The following CDC14B variants were observed in gnomAD, a reference collection of about 807,000 sequenced individuals.
CDC14B encodes cell division cycle 14B.
CDC14B carries 22 observed loss-of-function variants against 64.2 expected under a neutral mutation model. The ratio of observed to expected loss-of-function variants is 0.34; its 90% CI spans 0.24 to 0.49. CDC14B has a LOEUF of 0.49. Ranked by LOEUF, CDC14B falls within the 20% of genes least tolerant of loss-of-function variation. The pLI is 0.99. For missense variants in CDC14B, 498 were observed against 629.9 expected (o/e 0.79, Z 2.24); for synonymous variants, 191 against 215.8 (o/e 0.89, Z 1.01).
chr9:96,537,606 G>A (rs752450560), intron 7 of CDC14B, among the ~76,000 whole-genome samples: 77 of 152,196 alleles, frequency 5.1e-4, no homozygotes, highest in Non-Finnish European at 1.0e-3. Flanking sequence ...ACTGGAGAAG[G>A]CTGGCCTGAG....
chr9:96,582,377 T>C (rs1352020109), intron 1 of CDC14B, among the ~76,000 whole-genome samples: 2 of 152,242 alleles, frequency 1.3e-5, no homozygotes, highest in Non-Finnish European at 2.9e-5. Flanking sequence ...CATTAGGTCA[T>C]AGCCTGTTCC....
chr9:96,492,934 A>G (rs1833124471), exon 14 of CDC14B: 1 of 152,220 alleles, frequency 6.6e-6, no homozygotes, highest in Non-Finnish European at 1.5e-5. Context: ...CCTCTAGCCT[A>G]ATGTTGCTCA....
At position 96,541,829 on chromosome 9, in the gene CDC14B, C is replaced by G. The variant is rs776714130; in HGVS notation, c.561G>C (p.Lys187Asn). The G allele has an allele frequency of 1.4e-5, 22 of 1,602,316 alleles. No individual in the cohort carries two copies. The highest frequency in any genetic ancestry group is 1.8e-5 in the Non-Finnish European group (21 of 1,171,956). The change falls in exon 6 of 14, where the codon AAG (lysine) becomes AAC (asparagine). Residue 187 changes from lysine to asparagine, a missense_variant. Physicochemically the swap from Lys to Asn is moderately conservative, Grantham distance 94. Transcript: ENST00000375241. Reference sequence around the variant, plus strand: ...GTGCATCCTACATGTCACTCACCTTCTTTACTGCATGAAAACAGTCAAGAA... The same window carrying G: ...GTGCATCCTACATGTCACTCACCTTGTTTACTGCATGAAAACAGTCAAGAA... ...ITLLDCFHAV[K>N]KAMQYGFLNF...
intron 9 of CDC14B, among the ~76,000 whole-genome samples, chr9:96,526,224 C>T (rs566009658): frequency 1.3e-5 from 2 of 152,144 alleles, no homozygotes; most frequent in South Asian, 4.1e-4. Context: ...AAAAATTAGC[C>T]GGGCGTGGTG....
At chr9:96,611,196 G>A (rs923630196) in intron 1 of CDC14B, among the ~76,000 whole-genome samples, 2 of 152,158 alleles carry the variant, frequency 1.3e-5, no homozygotes, top group Admixed American at 1.3e-4. Context: ...GTTTAGGAAG[G>A]TTACAATCAA....
chr9:96,523,147 G>A (rs1461630843), intron 11 of CDC14B, 114 bp downstream of exon 11: 2 of 1,140,706 alleles, frequency 1.8e-6, no homozygotes, highest in Non-Finnish European at 2.5e-6. Context: ...ATAAAAAACT[G>A]ACAATCATCC....
intron 5 of CDC14B, 78 bp from the exon 6 acceptor site, chr9:96,541,970 T>G (rs1044343413): frequency 1.0e-6 from 1 of 969,958 alleles, no homozygotes; most frequent in Non-Finnish European, 1.6e-6. Flanking sequence ...GTGACTAGAA[T>G]TTAAAATCAA....
At position 96,523,660 on chromosome 9, in the gene CDC14B, C is replaced by A. The variant is rs1308120238; in HGVS notation, c.1012G>T (p.Ala338Ser). The change falls in exon 10 of 14, where the codon GCC (alanine) becomes TCC (serine). Residue 338 changes from alanine to serine, a missense_variant. Coordinates refer to ENST00000375241, the MANE Select transcript of CDC14B (RefSeq NM_033331.4). ...YIMKHYRMTA[A>S]ETIAWVRICR... Reference sequence around the variant, plus strand: ...ATCCTGACCCACGCAATGGTCTCGGCTGCTGTCATCCTGTAATGCTTCATG... The same window carrying A: ...ATCCTGACCCACGCAATGGTCTCGGATGCTGTCATCCTGTAATGCTTCATG... 1 of 1,614,184 alleles carries A rather than the reference C, an allele frequency of 6.2e-7. No individual in the cohort carries two copies. The highest frequency in any genetic ancestry group is 8.5e-7 in the Non-Finnish European group (1 of 1,180,042).
chr9:96,551,111 C>CTTTTTTTTTTTT lies in CDC14B; in HGVS notation c.497+673_497+684dup, dbSNP rs202193145. Reference sequence around the variant, plus strand: ...TACAAAGCCTAGGTTTTGGGGTTTGCTTTTTTTTTTTTTTTTTTTGAGACA... The same window carrying CTTTTTTTTTTTT: ...TACAAAGCCTAGGTTTTGGGGTTTGCTTTTTTTTTTTTTTTTTTTTTTTTTTTTTTTGAGACA... On this transcript the variant is annotated intron_variant, in intron 5 of 13. Coordinates refer to ENST00000375241, the MANE Select transcript of CDC14B (RefSeq NM_033331.4). Among the ~76,000 whole-genome samples, 203 of 93,254 alleles carry CTTTTTTTTTTTT rather than the reference C, an allele frequency of 2.2e-3. 25 individuals carry two copies. The highest frequency in any genetic ancestry group is 8.7e-3 in the African/African-American group (177 of 20,348). 61.2% of individuals were successfully genotyped at this position (93,254 alleles called of 152,430 possible). A position where few individuals can be genotyped will look rare whatever the true frequency, so the allele number is the denominator to read the frequency against.
At chr9:96,616,758 C>T (rs1273859524) in intron 1 of CDC14B, among the ~76,000 whole-genome samples, 1 of 151,784 alleles carries the variant, frequency 6.6e-6, no homozygotes, top group African/African-American at 2.4e-5. Context: ...TAATGTTTGA[C>T]TTTTTAGAAG....
At chr9:96,554,288 C>T (rs1842218424) in intron 4 of CDC14B, among the ~76,000 whole-genome samples, 1 of 152,182 alleles carries the variant, frequency 6.6e-6, no homozygotes, top group African/African-American at 2.4e-5. Context: ...AAAATGAAAT[C>T]TAGAGACCCA....
At chr9:96,554,176 C>T (rs1213790432) in intron 4 of CDC14B, among the ~76,000 whole-genome samples, 1 of 151,424 alleles carries the variant, frequency 6.6e-6, no homozygotes, top group East Asian at 1.9e-4. Flanking sequence ...AAGGCAAAAA[C>T]AAAAAAACAA....
chr9:96,604,710 C>T (rs1846763583), intron 1 of CDC14B, among the ~76,000 whole-genome samples: 1 of 151,408 alleles, frequency 6.6e-6, no homozygotes, highest in African/African-American at 2.4e-5. Context: ...GCTCTGTCCC[C>T]CAGGCTGGAG....
chr9:96,588,321 C>T (rs1845574234), intron 1 of CDC14B, among the ~76,000 whole-genome samples: 1 of 152,144 alleles, frequency 6.6e-6, no homozygotes, highest in Non-Finnish European at 1.5e-5. Flanking sequence ...TGCAGCAGCC[C>T]ACTGCTGTGC....
downstream of CDC14B, among the ~76,000 whole-genome samples, chr9:96,498,218 C>T (rs565058715): frequency 1.5e-4 from 23 of 152,264 alleles, no homozygotes; most frequent in Admixed American, 3.9e-4. Context: ...GAGGGGGAGA[C>T]GGCAAAGTTG....
In CDC14B at chr9:96,523,367, C is replaced by T; in HGVS notation, c.1139G>A (p.Gly380Glu). The T allele has an allele frequency of 6.2e-7, 1 of 1,614,108 alleles. No homozygotes were observed. The highest frequency in any genetic ancestry group is 8.5e-7 in the Non-Finnish European group (1 of 1,180,016). Residue 380 changes from glycine (G) to glutamate (E), a missense_variant, in exon 11 of 14, where the codon GGG becomes GAG. Coordinates refer to ENST00000375241, the MANE Select transcript of CDC14B (RefSeq NM_033331.4). ...EGDYFRQKLK[G>E]QENGQHRAAF... ...TGCTCTGTGTTGTCCATTCTCCTGC[C>T]CCTTTAACTTCTGACGAAAATAGTC...
At position 96,564,809 on chromosome 9, in the gene CDC14B, T is replaced by G; in HGVS notation, c.295A>C (p.Arg99=). Residue 99 remains arginine, a synonymous_variant, in exon 3 of 14, where the codon AGA becomes CGA. Transcript: ENST00000375241. ...FGPLNLAMVY[R]YCCKINKKLK... is the part of the protein sequence containing the mutation. ...TTCTTATTGATCTTGCAACAATATC[T>G]GTAAACCATTGCCAGATTGAGTGGT... The G allele has an allele frequency of 6.2e-7, 1 of 1,604,240 alleles. No homozygotes were observed. Among genetic ancestry groups the G allele is most frequent in the Non-Finnish European group, 8.5e-7 (1 of 1,175,034 alleles).
chr9:96,539,154 G>C lies in CDC14B; in HGVS notation c.565-14C>G, dbSNP rs779201194. On this transcript the variant is annotated splice_polypyrimidine_tract_variant and intron_variant, in intron 6 of 13. Transcript: ENST00000375241. Reference sequence around the variant, plus strand: ...ATACTGCATTGCCTAAAATCCAAAAGAAAGCTTTTAAGAACAAGGATGCAA... The same window carrying C: ...ATACTGCATTGCCTAAAATCCAAAACAAAGCTTTTAAGAACAAGGATGCAA... The C allele has an allele frequency of 6.3e-7, 1 of 1,581,576 alleles. No homozygotes were observed. Among genetic ancestry groups the C allele is most frequent in the African/African-American group, 1.4e-5 (1 of 74,012 alleles).
At chr9:96,495,505 C>T (rs1833206987), downstream of CDC14B, among the ~76,000 whole-genome samples, 1 of 151,936 alleles carries the variant, frequency 6.6e-6, no homozygotes, top group Non-Finnish European at 1.5e-5. Context: ...TGGCGGCCCA[C>T]ATGGATACTG....
Sources: gnomAD v4.1 joint callset for allele counts (sites outside exome capture counted in the v4.1 genomes callset) on GRCh38, gnomAD v4.1.1 for gene constraint, MANE v1.5 for transcripts, NCBI Gene and HGNC (gene_info 2026-07-23, HGNC 2026-07-21) for gene names.